The following INTS7 variants were observed in gnomAD, a reference collection of about 807,000 sequenced individuals.
The protein encoded by INTS7 is chromosome 1 open reading frame 73.
Under a neutral mutation model 109.2 loss-of-function variants are expected in INTS7, and 46 were observed. The ratio of observed to expected loss-of-function variants is 0.42; its 90% CI spans 0.33 to 0.54. The LOEUF is 0.54. Ranked by LOEUF, INTS7 falls within the 20% of genes least tolerant of loss-of-function variation. The pLI is 0.07. For synonymous variants in INTS7, 412 were observed against 402.9 expected (o/e 1.02, Z -0.27); for missense variants, 929 against 1,132.4 (o/e 0.82, Z 2.58).
At chr1:211,966,603 G>A (rs1355178951) in intron 15 of INTS7, 105 bp from the exon 16 acceptor site, 2 of 699,486 alleles carry the variant, frequency 2.9e-6, no homozygotes, top group Non-Finnish European at 5.0e-6. Context: ...GCCTAGTGAA[G>A]GTAATCATAA....
At chr1:212,004,255 T>C (rs1329620413) in intron 7 of INTS7, among the ~76,000 whole-genome samples, 3 of 152,244 alleles carry the variant, frequency 2.0e-5, no homozygotes, top group Admixed American at 1.3e-4. Context: ...GGTGGGAGGA[T>C]GGCTTGAACC....
chr1:211,969,400 G>A (rs1426843470), intron 13 of INTS7, among the ~76,000 whole-genome samples: 1 of 151,690 alleles, frequency 6.6e-6, no homozygotes, highest in Non-Finnish European at 1.5e-5. Flanking sequence ...CCCATCACTG[G>A]AACCTTGTAA....
intron 7 of INTS7, among the ~76,000 whole-genome samples, chr1:211,998,020 A>G (rs1665488202): frequency 6.6e-6 from 1 of 152,224 alleles, no homozygotes; most frequent in East Asian, 1.9e-4. Context: ...ATGGAAAGGC[A>G]GTAGACCTAG....
chr1:212,012,898 A>G (rs180734934), intron 4 of INTS7, among the ~76,000 whole-genome samples: 3 of 149,016 alleles, frequency 2.0e-5, no homozygotes, highest in East Asian at 1.9e-4. Flanking sequence ...TTTAGAAACT[A>G]AATTTAGAAA....
chr1:211,994,488 A>C (rs1665288152), intron 7 of INTS7, among the ~76,000 whole-genome samples: 1 of 144,350 alleles, frequency 6.9e-6, no homozygotes. Flanking sequence ...CAATGGCGTG[A>C]TCTCAGCTCA....
intron 4 of INTS7, among the ~76,000 whole-genome samples, chr1:212,015,515 C>A (rs550960513): frequency 6.6e-6 from 1 of 151,828 alleles, no homozygotes; most frequent in East Asian, 1.9e-4. Flanking sequence ...GCAGCATACT[C>A]GTTAAGAGTC....
At chr1:212,017,439 CT>C (rs1490870147) in intron 3 of INTS7, among the ~76,000 whole-genome samples, 1 of 152,166 alleles carries the variant, frequency 6.6e-6, no homozygotes, top group African/African-American at 2.4e-5. Context: ...AGCTCCCAAT[CT>C]TTTTTTCCCA....
Position 212,032,015 on chromosome 1 carries a change from G to T in INTS7, c.94+3329C>A, listed in dbSNP as rs143280750. Among the ~76,000 whole-genome samples the T allele has an allele frequency of 1.1e-4, 17 of 152,308 alleles. No homozygotes were observed. In the East Asian group the frequency reaches 3.3e-3, roughly 29 times the overall value. ...ACTGACTAATCATCTCCATTTGGAT[G>T]TCTAAGAGACATCTCAAATTTAACA... On this transcript the variant is annotated intron_variant, in intron 1 of 19. Transcript: ENST00000366994.
intron 12 of INTS7, among the ~76,000 whole-genome samples, chr1:211,976,165 C>T (rs972417903): frequency 6.6e-6 from 1 of 152,172 alleles, no homozygotes; most frequent in African/African-American, 2.4e-5. Context: ...ACTTGTTAGG[C>T]TTTCCATATG....
At chr1:211,957,438 C>A (rs958341934) in intron 16 of INTS7, among the ~76,000 whole-genome samples, 1 of 151,944 alleles carries the variant, frequency 6.6e-6, no homozygotes, top group Admixed American at 6.5e-5. Context: ...CCCAGCTACT[C>A]GGGAGGCTGA....
chr1:212,019,700 T>C (rs1461194347), intron 3 of INTS7, among the ~76,000 whole-genome samples: 1 of 152,208 alleles, frequency 6.6e-6, no homozygotes, highest in Non-Finnish European at 1.5e-5. Flanking sequence ...AGTGGTTATA[T>C]CTGATGTTCT....
rs150958119 is a variant in INTS7 at position 212,007,408 on chromosome 1, T to C, written c.598A>G (p.Ile200Val). Reference protein sequence around the residue: ...PVDLKLKLIPILQHMHHDAIL... With the variant: ...PVDLKLKLIPVLQHMHHDAIL... ...GCATCATGGTGCATGTGCTGTAGAA[T>C]GGGTATCAATTTTAGCTTCAAGTCT... Residue 200 changes from isoleucine (I) to valine (V), a missense_variant, in exon 6 of 20, where the codon ATT becomes GTT. Transcript: ENST00000366994. The C allele has an allele frequency of 1.2e-6, 2 of 1,613,996 alleles. No individual in the cohort carries two copies. The highest frequency in any genetic ancestry group is 1.7e-6 in the Non-Finnish European group (2 of 1,179,930).
chr1:211,954,956 G>C (rs1307271732), intron 16 of INTS7, among the ~76,000 whole-genome samples: 1 of 152,104 alleles, frequency 6.6e-6, no homozygotes, highest in Non-Finnish European at 1.5e-5. Context: ...AGCTTGATGG[G>C]GATGGCATTG....
intron 16 of INTS7, among the ~76,000 whole-genome samples, chr1:211,955,011 GA>G (rs1485922505): frequency 6.6e-6 from 1 of 152,204 alleles, no homozygotes; most frequent in African/African-American, 2.4e-5. Context: ...TCACGATACT[GA>G]TTCTTCCTAC....
intron 2 of INTS7, chr1:212,020,812 A>G: frequency 1.2e-6 from 1 of 848,464 alleles, no homozygotes; most frequent in South Asian, 4.8e-5. Flanking sequence ...CTGTACAAAG[A>G]CACAGATTTT....
chr1:211,942,141 A>T lies in INTS7; in HGVS notation c.2602-30T>A. The T allele has an allele frequency of 5.0e-6, 8 of 1,603,348 alleles. No individual in the cohort carries two copies. Among genetic ancestry groups the T allele is most frequent in the Non-Finnish European group, 6.8e-6 (8 of 1,173,632 alleles). On this transcript the variant is annotated intron_variant, in intron 19 of 19. Coordinates refer to ENST00000366994, the MANE Select transcript of INTS7 (RefSeq NM_015434.4). The surrounding 1 kb of genome is among the most constrained non-coding windows in gnomAD (Gnocchi z 4.2). ...AATGAAACAATTGTTAACTAACAAC[A>T]ATGGCTAACATTTCTTCAGTGCTTA...
At chr1:211,984,798 A>G (rs1378207814) in intron 8 of INTS7, among the ~76,000 whole-genome samples, 1 of 151,882 alleles carries the variant, frequency 6.6e-6, no homozygotes, top group African/African-American at 2.4e-5. Flanking sequence ...TCCTTTTCAC[A>G]TACTGTTTTC....
chr1:212,025,163 A>G (rs1380741398), intron 1 of INTS7, among the ~76,000 whole-genome samples: 1 of 152,220 alleles, frequency 6.6e-6, no homozygotes, highest in Non-Finnish European at 1.5e-5. Flanking sequence ...GTGAAATCAT[A>G]CCTTATTTTA....
intron 15 of INTS7, among the ~76,000 whole-genome samples, chr1:211,966,929 T>C (rs1663908395): frequency 6.6e-6 from 1 of 152,140 alleles, no homozygotes; most frequent in Non-Finnish European, 1.5e-5. Flanking sequence ...GTTCCTAATC[T>C]AGTGCTCAAG....
Sources: gnomAD v4.1 joint callset for allele counts (sites outside exome capture counted in the v4.1 genomes callset) on GRCh38, gnomAD v4.1.1 for gene constraint, Gnocchi (gnomAD v3.1) non-coding constraint, MANE v1.5 for transcripts, NCBI Gene and HGNC (gene_info 2026-07-23, HGNC 2026-07-21) for gene names.